RTL4: variants seen among roughly 807,000 people sequenced by gnomAD.
The protein encoded by RTL4 is retrotransposon Gag-like protein 4.
A neutral mutation model predicts 5.3 loss-of-function variants in RTL4; 4 were observed. That is an observed-to-expected ratio of 0.75 (90% CI 0.37 to 1.72). The LOEUF (loss-of-function observed/expected upper bound fraction) is 1.72, where lower values mean the gene tolerates loss of function less well. Among genes scored for constraint, RTL4 ranks in the 40% most tolerant of loss-of-function variants. RTL4 has a pLI of 0.04. For missense variants in RTL4, 260 were observed against 227.1 expected (o/e 1.14, Z -0.93); for synonymous variants, 98 against 87.3 (o/e 1.12, Z -0.68).
At chrX:112,435,660 G>C in the RTL4 span, among the ~76,000 whole-genome samples, 4 of 111,790 alleles carry the variant, frequency 3.6e-5, no homozygotes, top group African/African-American at 1.3e-4. Context: ...AGAAGGTAAA[G>C]CTCAAGAAAA....
chrX:112,295,976 T>C, the RTL4 span, among the ~76,000 whole-genome samples: 24 of 112,260 alleles, frequency 2.1e-4, no homozygotes, highest in African/African-American at 7.4e-4. Flanking sequence ...TGAAATATAT[T>C]CATTTATACT....
At chrX:112,239,091 G>C in the RTL4 span, among the ~76,000 whole-genome samples, 3 of 111,441 alleles carry the variant, frequency 2.7e-5, no homozygotes, top group African/African-American at 9.8e-5. Flanking sequence ...TGGGCAGAGT[G>C]GGAAGCTGAT....
chrX:112,343,342 C>A, the RTL4 span, among the ~76,000 whole-genome samples: 1 of 111,666 alleles, frequency 9.0e-6, no homozygotes, highest in African/African-American at 3.3e-5. Context: ...GTAGTTGGAA[C>A]CTAACTCCTG....
chrX:112,253,384 G>A, the RTL4 span, among the ~76,000 whole-genome samples: 4 of 112,173 alleles, frequency 3.6e-5, no homozygotes, highest in Non-Finnish European at 7.5e-5. Flanking sequence ...AAAAATGCGT[G>A]GGGCTGTTTC....
chrX:112,451,608 T>G (rs772882271), upstream of RTL4, among the ~76,000 whole-genome samples: 26 of 111,956 alleles, frequency 2.3e-4, no homozygotes, highest in Non-Finnish European at 4.3e-4. Flanking sequence ...TCATGTCTAT[T>G]TTAAAATTTG....
chrX:112,254,278 T>G, the RTL4 span, among the ~76,000 whole-genome samples: 1 of 111,304 alleles, frequency 9.0e-6, no homozygotes, highest in African/African-American at 3.3e-5. Context: ...GAGATCATAG[T>G]CTTCGGTGTC....
At chrX:112,416,955 G>T in the RTL4 span, among the ~76,000 whole-genome samples, 1 of 111,864 alleles carries the variant, frequency 8.9e-6, no homozygotes. Flanking sequence ...TAGCCCTAAT[G>T]ATGAAAGGCA....
the RTL4 span, among the ~76,000 whole-genome samples, chrX:112,308,812 A>G: frequency 5.4e-5 from 6 of 110,488 alleles, no homozygotes; most frequent in East Asian, 1.7e-3. Context: ...TATGGTTGAA[A>G]CCCCAGATGT....
the RTL4 span, among the ~76,000 whole-genome samples, chrX:112,222,234 C>A: frequency 2.7e-5 from 3 of 111,039 alleles, no homozygotes; most frequent in Admixed American, 2.9e-4. Context: ...AAATTTTTAC[C>A]ACCTCTTCAG....
At chrX:112,204,505 G>C in the RTL4 span, among the ~76,000 whole-genome samples, 1 of 111,693 alleles carries the variant, frequency 9.0e-6, no homozygotes, top group Non-Finnish European at 1.9e-5. Flanking sequence ...AATGAGATCT[G>C]GTCATTTCTA....
chrX:112,405,782 A>C, the RTL4 span, among the ~76,000 whole-genome samples: 1 of 110,951 alleles, frequency 9.0e-6, no homozygotes, highest in Non-Finnish European at 1.9e-5. Flanking sequence ...GTGACCACTA[A>C]CGCTCCTTGG....
the RTL4 span, among the ~76,000 whole-genome samples, chrX:112,242,184 T>G: frequency 2.7e-4 from 30 of 112,023 alleles, no homozygotes; most frequent in African/African-American, 9.7e-4. Context: ...TGCGGGCTCT[T>G]TTTTGATTCC....
At chrX:112,277,427 A>G in the RTL4 span, among the ~76,000 whole-genome samples, 1 of 112,090 alleles carries the variant, frequency 8.9e-6, no homozygotes, top group Non-Finnish European at 1.9e-5. Context: ...AAAGCCCAAA[A>G]GGATAGAGAG....
chrX:112,423,860 T>G, the RTL4 span, among the ~76,000 whole-genome samples: 1 of 112,183 alleles, frequency 8.9e-6, no homozygotes, highest in Admixed American at 9.5e-5. Context: ...AATTGACATC[T>G]TGCCCAGGTC....
chrX:112,276,909 C>T, the RTL4 span, among the ~76,000 whole-genome samples: 18 of 111,696 alleles, frequency 1.6e-4, no homozygotes, highest in East Asian at 4.8e-3. Context: ...CCTAGTTGTG[C>T]ATATTTTGTG....
At chrX:112,164,759 T>G in the RTL4 span, among the ~76,000 whole-genome samples, 1 of 112,524 alleles carries the variant, frequency 8.9e-6, no homozygotes, top group South Asian at 3.7e-4. Flanking sequence ...GCTTCCCATC[T>G]GTTTCCTTAC....
chrX:112,381,843 G>T, the RTL4 span: 1 of 1,207,647 alleles, frequency 8.3e-7, no homozygotes, highest in Non-Finnish European at 1.1e-6. Context: ...CAGGAGAAAA[G>T]ATTACTGGAG....
chrX:112,284,706 G>C, the RTL4 span, among the ~76,000 whole-genome samples: 2 of 111,453 alleles, frequency 1.8e-5, no homozygotes, highest in East Asian at 5.6e-4. Context: ...TGACTCACAA[G>C]CAACTGGCAG....
the RTL4 span, among the ~76,000 whole-genome samples, chrX:112,161,874 C>CT: frequency 6.5e-3 from 233 of 35,998 alleles, 13 homozygotes; most frequent in African/African-American, 0.02. Flanking sequence ...TCTTTCTTTC[C>CT]TTCTTTCTTC....
Sources: allele counts gnomAD v4.1 joint callset (sites outside exome capture counted in the v4.1 genomes callset), GRCh38; gene constraint gnomAD v4.1.1; transcripts MANE v1.5; gene names NCBI Gene and HGNC (gene_info 2026-07-23, HGNC 2026-07-21).